Variants in ADGRG3 observed in about 807,000 individuals in gnomAD.
ADGRG3 encodes adhesion G protein-coupled receptor G3.
A neutral mutation model predicts 54.3 loss-of-function variants in ADGRG3; 39 were observed. The ratio of observed to expected loss-of-function variants is 0.72; its 90% CI spans 0.56 to 0.94. ADGRG3 has a LOEUF of 0.94. Among genes scored for constraint, ADGRG3 ranks in the 40% least tolerant of loss-of-function variants. The probability of loss-of-function intolerance (pLI) is 0.00; values close to 1 mark genes in which losing one functional copy is unlikely to be tolerated. For synonymous variants in ADGRG3, 312 were observed against 290.0 expected (o/e 1.08, Z -0.77); for missense variants, 654 against 694.6 (o/e 0.94, Z 0.66).
chr16:57,668,367 T>TG lies in ADGRG3; in HGVS notation c.25dup (p.Ala9GlyfsTer38). Reference sequence around the variant, plus strand: ...CCAAGGATGGCGACGCCCAGGGGCCTGGGGGCCCTGCTCCTGCTCCTCCTG... The same window carrying TG: ...CCAAGGATGGCGACGCCCAGGGGCCTGGGGGGCCCTGCTCCTGCTCCTCCTG... On this transcript the variant is annotated frameshift_variant, in exon 1 of 12. Coordinates refer to ENST00000333493, the MANE Select transcript of ADGRG3 (RefSeq NM_170776.5). LOFTEE classifies it high-confidence loss of function. 6.3e-7 allele frequency: 1 copy of TG among 1,575,220 alleles called. No homozygotes were observed.
intron 4 of ADGRG3, 75 bp downstream of exon 4, chr16:57,678,391 G>C: frequency 6.8e-7 from 1 of 1,466,714 alleles, no homozygotes; most frequent in Non-Finnish European, 9.5e-7. Context: ...GCTGTCACTG[G>C]AGCCTGCCGA....
intron 6 of ADGRG3, 66 bp downstream of exon 6, chr16:57,679,921 G>A (rs1027229309): frequency 2.1e-5 from 27 of 1,307,570 alleles, no homozygotes; most frequent in Non-Finnish European, 2.8e-5. Flanking sequence ...ATTGTGGGGC[G>A]GGGCTAGCTC....
intron 8 of ADGRG3, among the ~76,000 whole-genome samples, chr16:57,682,925 T>A (rs1300656891): frequency 2.0e-5 from 3 of 152,200 alleles, no homozygotes; most frequent in Non-Finnish European, 4.4e-5. Flanking sequence ...GTCCCACCAC[T>A]GTTAGGCCTG....
chr16:57,686,664 C>T (rs1163380724), intron 11 of ADGRG3: 2 of 152,240 alleles, frequency 1.3e-5, no homozygotes, highest in South Asian at 2.1e-4. Flanking sequence ...CCTTTACTAC[C>T]CATGGCCCCA....
At chr16:57,670,001 C>T (rs1474510925) in intron 1 of ADGRG3, among the ~76,000 whole-genome samples, 4 of 149,996 alleles carry the variant, frequency 2.7e-5, no homozygotes, top group Admixed American at 1.3e-4. Context: ...GAGGGAGTGG[C>T]CCCCTGGGCT....
chr16:57,666,387 C>T (rs774875949), upstream of ADGRG3, among the ~76,000 whole-genome samples: 4 of 152,238 alleles, frequency 2.6e-5, no homozygotes, highest in Non-Finnish European at 4.4e-5. Flanking sequence ...CATGCTGATC[C>T]TTTTACCCCG....
At chr16:57,666,228 G>A (rs1042977491), upstream of ADGRG3, among the ~76,000 whole-genome samples, 3 of 152,162 alleles carry the variant, frequency 2.0e-5, no homozygotes, top group African/African-American at 4.8e-5. Flanking sequence ...TCCAGAATGG[G>A]GGGGAAATGA....
chr16:57,682,410 C>A, intron 8 of ADGRG3: 1 of 860,740 alleles, frequency 1.2e-6, no homozygotes, highest in Non-Finnish European at 1.4e-6. Flanking sequence ...AGGCTGCAGC[C>A]CCAACTAGGC....
chr16:57,683,420 C>G (rs2048412314), intron 8 of ADGRG3, among the ~76,000 whole-genome samples: 1 of 152,100 alleles, frequency 6.6e-6, no homozygotes, highest in African/African-American at 2.4e-5. Flanking sequence ...GAAACTTTTT[C>G]TCTCTAATGT....
intron 1 of ADGRG3, among the ~76,000 whole-genome samples, chr16:57,669,741 C>G (rs1331078527): frequency 6.6e-6 from 1 of 152,234 alleles, no homozygotes; most frequent in Non-Finnish European, 1.5e-5. Flanking sequence ...ATGGTGCCCT[C>G]TGCTCCTGCT....
intron 8 of ADGRG3, among the ~76,000 whole-genome samples, chr16:57,682,971 G>A (rs964562703): frequency 4.6e-5 from 7 of 152,366 alleles, no homozygotes; most frequent in Non-Finnish European, 5.9e-5. Flanking sequence ...AGGAGAGAGA[G>A]GATGGGGAGT....
intron 4 of ADGRG3, chr16:57,678,612 C>A: frequency 4.3e-6 from 2 of 469,144 alleles, no homozygotes; most frequent in Non-Finnish European, 7.8e-6. Flanking sequence ...CGTGCATGCA[C>A]AAACATGCAC....
In ADGRG3 at chr16:57,687,054, G is replaced by A. The variant is rs754051782; in HGVS notation, c.1540+1128G>A. On this transcript the variant is annotated intron_variant, in intron 11 of 11. Transcript: ENST00000333493. ...CAGGGAAGTCACTAGAAACCCAGGC[G>A]TCCTAGATGCAGCGGGTATAAGCCC... 4.6e-5 allele frequency among the ~76,000 whole-genome samples: 7 copies of A among 152,162 alleles called. No homozygotes were observed. In the East Asian group the frequency reaches 5.8e-4, roughly 13 times the overall value.
chr16:57,679,429 C>A, intron 5 of ADGRG3, 118 bp downstream of exon 5: 1 of 1,169,218 alleles, frequency 8.6e-7, no homozygotes, highest in Non-Finnish European at 1.2e-6. Flanking sequence ...TCCACAGTCG[C>A]CCAGGAGGAG....
At chr16:57,684,859 C>A (rs925333560) in intron 10 of ADGRG3, among the ~76,000 whole-genome samples, 3 of 152,196 alleles carry the variant, frequency 2.0e-5, no homozygotes, top group Non-Finnish European at 4.4e-5. Context: ...CAGCCCCCAC[C>A]TGCTGCCCAG....
At chr16:57,680,988 C>T (rs1225314710) in intron 8 of ADGRG3, 3 of 236,914 alleles carry the variant, frequency 1.3e-5, no homozygotes, top group Non-Finnish European at 2.6e-5. Flanking sequence ...CAGCTTTGCT[C>T]GCCCCTTGAC....
At chr16:57,670,942 C>T (rs563251132) in intron 1 of ADGRG3, among the ~76,000 whole-genome samples, 5 of 152,226 alleles carry the variant, frequency 3.3e-5, no homozygotes, top group African/African-American at 7.2e-5. Context: ...AGCCCCTGCC[C>T]GCCTCAGCCC....
chr16:57,668,591 G>C (rs138405151), intron 1 of ADGRG3, among the ~76,000 whole-genome samples, 186 bp downstream of exon 1: 21 of 152,340 alleles, frequency 1.4e-4, no homozygotes, highest in African/African-American at 5.1e-4. Flanking sequence ...GGTCAGTCCT[G>C]TCCTTCCACT....
chr16:57,677,467 A>C (rs1328592334), intron 3 of ADGRG3, among the ~76,000 whole-genome samples: 2 of 152,188 alleles, frequency 1.3e-5, no homozygotes, highest in East Asian at 1.9e-4. Flanking sequence ...CTGTAATCCC[A>C]GCTACTTGGG....
Sources: allele counts gnomAD v4.1 joint callset (sites outside exome capture counted in the v4.1 genomes callset), GRCh38; gene constraint gnomAD v4.1.1; transcripts MANE v1.5; gene names NCBI Gene and HGNC (gene_info 2026-07-23, HGNC 2026-07-21).